Variants in SEPTIN9 observed in about 807,000 individuals in gnomAD.
The protein encoded by SEPTIN9 is septin-9.
A neutral mutation model predicts 56.6 loss-of-function variants in SEPTIN9; 13 were observed. The ratio of observed to expected loss-of-function variants is 0.23; its 90% CI spans 0.15 to 0.37. The LOEUF (loss-of-function observed/expected upper bound fraction) is 0.37, where lower values mean the gene tolerates loss of function less well. SEPTIN9 is among the 10% of genes least tolerant of loss of function. The pLI is 1.00. For missense variants in SEPTIN9, 650 were observed against 823.1 expected, an observed-to-expected ratio of 0.79 and a Z score of 2.57; for synonymous variants, 332 against 334.1, an observed-to-expected ratio of 0.99 and a Z score of 0.07.
At chr17:77,410,696 C>T (rs1039135729) in intron 3 of SEPTIN9, among the ~76,000 whole-genome samples, 8 of 152,184 alleles carry the variant, frequency 5.3e-5, no homozygotes, top group African/African-American at 4.8e-5. Flanking sequence ...CAGGGTGGAG[C>T]GCCTGGGGGA....
At position 77,429,624 on chromosome 17, in the gene SEPTIN9, G is replaced by A. The variant is rs1238515695; in HGVS notation, c.721+26921G>A. Among the ~76,000 whole-genome samples, 2 of 152,210 alleles carry A rather than the reference G, an allele frequency of 1.3e-5. No individual in the cohort carries two copies. Among genetic ancestry groups the A allele is most frequent in the Admixed American group, 6.5e-5 (1 of 15,286 alleles). On this transcript the variant is annotated intron_variant, in intron 3 of 11. Coordinates refer to ENST00000427177, the MANE Select transcript of SEPTIN9 (RefSeq NM_001113491.2). The surrounding 1 kb of genome is among the most constrained non-coding windows in gnomAD (Gnocchi z 5.2). The stretch of plus-strand genomic sequence containing the variant: ...AGGAAGAAGGGCTTAGGGTGCTGGT[G>A]TGGAGTTTGCACAGATGGGGATAAT...
Position 77,310,518 on chromosome 17 carries a change from G to T in SEPTIN9, c.76+3321G>T, listed in dbSNP as rs559755930. On this transcript the variant is annotated intron_variant, in intron 2 of 11. Coordinates refer to ENST00000427177, the MANE Select transcript of SEPTIN9 (RefSeq NM_001113491.2). The surrounding 1 kb of genome is among the most constrained non-coding windows in gnomAD (Gnocchi z 4.7). ...CTGTGTGGGGAGGCAGAGTTTGCCC[G>T]TCCCGTGGCCCACTGGTGACATCGC... Among the ~76,000 whole-genome samples, 3 of 152,144 alleles carry T rather than the reference G, an allele frequency of 2.0e-5. No individual in the cohort carries two copies. The highest frequency in any genetic ancestry group is 2.9e-5 in the Non-Finnish European group (2 of 68,020).
intron 1 of SEPTIN9, among the ~76,000 whole-genome samples, chr17:77,284,703 T>C (rs982993561): frequency 5.9e-5 from 9 of 152,144 alleles, no homozygotes; most frequent in African/African-American, 9.7e-5. Flanking sequence ...GATCTCAGCT[T>C]ACTGCAACCT....
At position 77,330,637 on chromosome 17, in the gene SEPTIN9, A is replaced by C. The variant is rs907322451; in HGVS notation, c.76+23440A>C. ...GGCACCTGTGCAGCTCACCCTGCAG[A>C]ACAGACAATTTGGTTAAAGCCTAAA... On this transcript the variant is annotated intron_variant, in intron 2 of 11. Coordinates refer to ENST00000427177, the MANE Select transcript of SEPTIN9 (RefSeq NM_001113491.2). The surrounding 1 kb of genome is among the most constrained non-coding windows in gnomAD (Gnocchi z 4.4). Among the ~76,000 whole-genome samples, 1 of 152,236 alleles carries C rather than the reference A, an allele frequency of 6.6e-6. No individual in the cohort carries two copies. Among genetic ancestry groups the C allele is most frequent in the African/African-American group, 2.4e-5 (1 of 41,462 alleles).
At chr17:77,471,605 G>T (rs1411462462) in intron 3 of SEPTIN9, among the ~76,000 whole-genome samples, 1 of 152,282 alleles carries the variant, frequency 6.6e-6, no homozygotes, top group Non-Finnish European at 1.5e-5. Flanking sequence ...AGAGAGGGAA[G>T]CTCTGGGCCC....
intron 10 of SEPTIN9, 116 bp downstream of exon 10, chr17:77,493,192 GC>G: frequency 1.3e-6 from 1 of 766,652 alleles, no homozygotes; most frequent in Non-Finnish European, 2.1e-6. Context: ...CCACTGCCTT[GC>G]CCCACCCAGA....
rs2036867042 is a variant in SEPTIN9 at position 77,425,417 on chromosome 17, C to A, written c.721+22714C>A. The stretch of plus-strand genomic sequence containing the variant: ...TCCGGGAGGGGGATGTGACCGTGTC[C>A]CCAGGGTGAAGCCCACCCGAGTGTC... On this transcript the variant is annotated intron_variant, in intron 3 of 11. Coordinates refer to ENST00000427177, the MANE Select transcript of SEPTIN9 (RefSeq NM_001113491.2). The surrounding 1 kb of genome is among the most constrained non-coding windows in gnomAD (Gnocchi z 4.2). Among the ~76,000 whole-genome samples the A allele has an allele frequency of 1.3e-5, 2 of 152,194 alleles. No individual in the cohort carries two copies. Among genetic ancestry groups the A allele is most frequent in the Admixed American group, 1.3e-4 (2 of 15,282 alleles).
intron 3 of SEPTIN9, among the ~76,000 whole-genome samples, chr17:77,413,445 T>C (rs1238055882): frequency 2.6e-5 from 4 of 152,322 alleles, no homozygotes; most frequent in African/African-American, 9.6e-5. Context: ...GGGGTTGCTT[T>C]AGCTCGCTTA....
intron 2 of SEPTIN9, among the ~76,000 whole-genome samples, chr17:77,315,101 T>C (rs1472325198): frequency 1.3e-5 from 2 of 152,234 alleles, no homozygotes; most frequent in East Asian, 3.9e-4. Flanking sequence ...TGAATTTCCA[T>C]GAAGAGGAAA....
At chr17:77,360,614 G>C (rs944530051) in intron 2 of SEPTIN9, among the ~76,000 whole-genome samples, 1 of 151,914 alleles carries the variant, frequency 6.6e-6, no homozygotes, top group African/African-American at 2.4e-5. Flanking sequence ...GCCCAGGCTG[G>C]CGTGGAGTGA....
intron 3 of SEPTIN9, among the ~76,000 whole-genome samples, chr17:77,454,652 A>T (rs1051505376): frequency 2.6e-5 from 4 of 151,990 alleles, no homozygotes; most frequent in Non-Finnish European, 5.9e-5. Context: ...AACCTTCCCC[A>T]CCTCAGCCCC....
Position 77,475,765 on chromosome 17 carries a change from G to C in SEPTIN9, c.722-6379G>C, listed in dbSNP as rs771050526. On this transcript the variant is annotated intron_variant, in intron 3 of 11. Transcript: ENST00000427177. This position sits in a 1 kb window ranked among gnomAD's most constrained non-coding sequence, Gnocchi z 4.6. ...ATGCCGGCAGCTTTCTCCTGGACACGGGCCTGGAAGGCTGACAGGGTGTGG... is the reference window on the plus strand; with the variant it reads ...ATGCCGGCAGCTTTCTCCTGGACACCGGCCTGGAAGGCTGACAGGGTGTGG... The C allele has an allele frequency of 3.3e-5, 53 of 1,612,910 alleles. 1 individual carries two copies. The South Asian group carries it at 5.7e-4, about 17-fold the overall frequency.
At chr17:77,308,548 C>T (rs373464042) in intron 2 of SEPTIN9, among the ~76,000 whole-genome samples, 7 of 152,324 alleles carry the variant, frequency 4.6e-5, no homozygotes, top group Non-Finnish European at 8.8e-5. Context: ...TAAATGTTTA[C>T]GTTTACTTTA....
At chr17:77,422,600 C>T (rs1186328208) in intron 3 of SEPTIN9, among the ~76,000 whole-genome samples, 2 of 152,180 alleles carry the variant, frequency 1.3e-5, no homozygotes, top group Non-Finnish European at 2.9e-5. Flanking sequence ...CCGCTTTCCC[C>T]AGGGAGCACT....
At chr17:77,363,707 C>G (rs549467265) in intron 2 of SEPTIN9, among the ~76,000 whole-genome samples, 70 of 152,092 alleles carry the variant, frequency 4.6e-4, no homozygotes, top group Non-Finnish European at 6.6e-4. Flanking sequence ...TTCAAGTTCT[C>G]CCTGGCCCTC....
intron 2 of SEPTIN9, among the ~76,000 whole-genome samples, chr17:77,324,616 C>T (rs565816718): frequency 1.3e-5 from 2 of 152,246 alleles, no homozygotes; most frequent in South Asian, 2.1e-4. Context: ...AGCATCTTTT[C>T]GTGTTTATTG....
At chr17:77,496,400 G>A (rs909235604) in intron 10 of SEPTIN9, 1 of 152,178 alleles carries the variant, frequency 6.6e-6, no homozygotes, top group Admixed American at 6.5e-5. Flanking sequence ...GTGTGAAGAC[G>A]AAGTTCATCA....
Position 77,327,721 on chromosome 17 carries a change from G to A in SEPTIN9, c.76+20524G>A, listed in dbSNP as rs539970394. On this transcript the variant is annotated intron_variant, in intron 2 of 11. Transcript: ENST00000427177. This position sits in a 1 kb window ranked among gnomAD's most constrained non-coding sequence, Gnocchi z 5.0. ...TGTGGACGCCCTCATACCTCCATCC[G>A]TGGAGCCACCCTCCTCTTTTTTTTT... Among the ~76,000 whole-genome samples, 226 of 151,156 alleles carry A rather than the reference G, an allele frequency of 1.5e-3. No individual in the cohort carries two copies. The highest frequency in any genetic ancestry group is 4.9e-3 in the African/African-American group (201 of 40,916).
At chr17:77,428,306 C>T (rs568887041) in intron 3 of SEPTIN9, among the ~76,000 whole-genome samples, 1 of 152,318 alleles carries the variant, frequency 6.6e-6, no homozygotes, top group East Asian at 1.9e-4. Context: ...GGTGCAGGTT[C>T]AACCATTGGC....
Sources: allele counts gnomAD v4.1 joint callset (sites outside exome capture counted in the v4.1 genomes callset), GRCh38; gene constraint gnomAD v4.1.1; non-coding constraint Gnocchi (gnomAD v3.1); transcripts MANE v1.5; gene names NCBI Gene and HGNC (gene_info 2026-07-23, HGNC 2026-07-21).